TBC1D22A: variants seen among roughly 807,000 people sequenced by gnomAD.
TBC1D22A encodes TBC1 domain family member 22A, also known as putative GTPase activator.
A neutral mutation model predicts 60.2 loss-of-function variants in TBC1D22A; 38 were observed. The observed-to-expected ratio is 0.63, with a 90% confidence interval of 0.49 to 0.83. The LOEUF (loss-of-function observed/expected upper bound fraction) is 0.83. Ranked by LOEUF, TBC1D22A falls within the 40% of genes least tolerant of loss-of-function variation. The pLI is 0.00. For missense variants in TBC1D22A, 628 were observed against 701.0 expected, an observed-to-expected ratio of 0.90 and a Z score of 1.18; for synonymous variants, 302 against 281.7, an observed-to-expected ratio of 1.07 and a Z score of -0.72.
intron 4 of TBC1D22A, among the ~76,000 whole-genome samples, chr22:46,824,234 C>T (rs750854528): frequency 3.3e-5 from 5 of 152,036 alleles, no homozygotes; most frequent in African/African-American, 9.7e-5. Context: ...TTCCGTGGCT[C>T]GAGGCTCCTG....
chr22:46,971,663 C>T (rs916943272), intron 8 of TBC1D22A, among the ~76,000 whole-genome samples: 3 of 152,200 alleles, frequency 2.0e-5, no homozygotes, highest in African/African-American at 7.2e-5. Context: ...GACTTGGAGT[C>T]GAGGCAGGCC....
At chr22:46,904,959 A>T (rs1203613336) in intron 7 of TBC1D22A, among the ~76,000 whole-genome samples, 1 of 151,414 alleles carries the variant, frequency 6.6e-6, no homozygotes, top group Non-Finnish European at 1.5e-5. Flanking sequence ...TATTTTTAGT[A>T]GAGACGGGGT....
intron 9 of TBC1D22A, among the ~76,000 whole-genome samples, chr22:46,995,253 C>A (rs6009088): frequency 6.6e-6 from 1 of 152,186 alleles, no homozygotes; most frequent in Non-Finnish European, 1.5e-5. Context: ...TGGCGTCATT[C>A]TAAGTGAAGG....
intron 8 of TBC1D22A, chr22:46,915,949 C>G (rs1406189185): frequency 2.3e-6 from 1 of 443,478 alleles, no homozygotes; most frequent in East Asian, 6.8e-5. Context: ...GTGTTACGTT[C>G]TTTGACTTGG....
At chr22:47,092,563 C>T (rs1417349118) in intron 11 of TBC1D22A, among the ~76,000 whole-genome samples, 3 of 152,126 alleles carry the variant, frequency 2.0e-5, no homozygotes, top group Non-Finnish European at 4.4e-5. Context: ...AGGGGTGAGC[C>T]CGTGTGTATG....
At chr22:46,955,870 A>G (rs752853533) in intron 8 of TBC1D22A, among the ~76,000 whole-genome samples, 40 of 152,276 alleles carry the variant, frequency 2.6e-4, no homozygotes, top group Non-Finnish European at 4.7e-4. Context: ...ATAGAAGGTG[A>G]TGTGTGTGAA....
At chr22:46,849,260 G>A (rs760050352) in intron 4 of TBC1D22A, among the ~76,000 whole-genome samples, 8 of 152,174 alleles carry the variant, frequency 5.3e-5, no homozygotes, top group Non-Finnish European at 8.8e-5. Context: ...GTCTCCAGAC[G>A]GCAGATTGCT....
chr22:46,872,943 G>A (rs564464076), intron 4 of TBC1D22A, among the ~76,000 whole-genome samples: 54 of 152,262 alleles, frequency 3.5e-4, no homozygotes, highest in African/African-American at 1.3e-3. Flanking sequence ...GGAACCTGGC[G>A]AATGAGCCAT....
chr22:47,113,864 G>T (rs550686769), intron 12 of TBC1D22A, among the ~76,000 whole-genome samples: 94 of 152,296 alleles, frequency 6.2e-4, no homozygotes, highest in African/African-American at 2.1e-3. Context: ...GGATGCCAGG[G>T]TACCTGAGCT....
At chr22:47,103,509 C>A (rs895615998) in intron 11 of TBC1D22A, among the ~76,000 whole-genome samples, 3 of 152,154 alleles carry the variant, frequency 2.0e-5, no homozygotes, top group African/African-American at 7.2e-5. Flanking sequence ...GATGTCCGGT[C>A]TGCTCTGCCT....
At chr22:46,829,196 G>T (rs9627582) in intron 4 of TBC1D22A, among the ~76,000 whole-genome samples, 1,522 of 152,172 alleles carry the variant, frequency 0.01, 22 homozygotes, top group African/African-American at 0.035. Flanking sequence ...AAAATTAATT[G>T]TGCAGTAATC....
rs139101675 is a variant in TBC1D22A, at chr22:46,797,521, T to G, written c.538T>G (p.Ser180Ala). 8 of 1,613,896 alleles carry G rather than the reference T, an allele frequency of 5.0e-6. No individual in the cohort carries two copies. The African/African-American group carries it at 1.1e-4, about 22-fold the overall frequency. ...HSATVTLGGT[S>A]DPSTLSSSAL... is the part of the protein sequence containing the mutation. ...GGCCACCGTCACGCTGGGTGGCACATCTGACCCCAGCACTCTCAGCAGCTC... is the reference window on the plus strand; with the variant it reads ...GGCCACCGTCACGCTGGGTGGCACAGCTGACCCCAGCACTCTCAGCAGCTC... Residue 180 changes from serine to alanine, a missense_variant, in exon 4 of 13, where the codon TCT (serine) becomes GCT (alanine). By Grantham distance (99) the Ser-to-Ala change is moderately conservative. Coordinates refer to ENST00000337137, the MANE Select transcript of TBC1D22A (RefSeq NM_014346.5).
chr22:46,830,816 C>G (rs953645358), intron 4 of TBC1D22A, among the ~76,000 whole-genome samples: 5 of 152,194 alleles, frequency 3.3e-5, no homozygotes, highest in African/African-American at 1.2e-4. Context: ...CAGATAGATT[C>G]AGGGTCAGCG....
At chr22:47,054,178 G>T (rs945638301) in intron 11 of TBC1D22A, among the ~76,000 whole-genome samples, 6 of 152,210 alleles carry the variant, frequency 3.9e-5, no homozygotes, top group Non-Finnish European at 5.9e-5. Context: ...GGAAGGACGT[G>T]CAGGGACCCA....
At chr22:46,826,252 T>C (rs528377362) in intron 4 of TBC1D22A, among the ~76,000 whole-genome samples, 1 of 152,322 alleles carries the variant, frequency 6.6e-6, no homozygotes, top group Non-Finnish European at 1.5e-5. Flanking sequence ...CGACATTCGG[T>C]ACCAATGTGG....
At chr22:47,107,833 G>A (rs1268183083) in intron 11 of TBC1D22A, among the ~76,000 whole-genome samples, 1 of 152,224 alleles carries the variant, frequency 6.6e-6, no homozygotes, top group Non-Finnish European at 1.5e-5. Flanking sequence ...GGATATCCAT[G>A]TGCATACAAA....
intron 5 of TBC1D22A, among the ~76,000 whole-genome samples, chr22:46,880,635 T>C (rs991482188): frequency 1.3e-5 from 2 of 152,072 alleles, no homozygotes; most frequent in African/African-American, 4.8e-5. Flanking sequence ...GAGGCCAGAC[T>C]GCATGCTATA....
intron 4 of TBC1D22A, among the ~76,000 whole-genome samples, chr22:46,856,204 A>G (rs1326008768): frequency 6.6e-6 from 1 of 152,182 alleles, no homozygotes; most frequent in African/African-American, 2.4e-5. Flanking sequence ...GATGTGGTGA[A>G]AAGCTGTCTT....
At chr22:46,920,450 G>T (rs1422688262) in intron 8 of TBC1D22A, among the ~76,000 whole-genome samples, 4 of 152,142 alleles carry the variant, frequency 2.6e-5, no homozygotes, top group African/African-American at 9.7e-5. Flanking sequence ...TAACTTTTTA[G>T]AAGGGATATA....
Sources: allele counts gnomAD v4.1 joint callset (sites outside exome capture counted in the v4.1 genomes callset), GRCh38; gene constraint gnomAD v4.1.1; transcripts MANE v1.5; gene names NCBI Gene and HGNC (gene_info 2026-07-23, HGNC 2026-07-21).